The following FBXL18 variants were observed in gnomAD, a reference collection of about 807,000 sequenced individuals.
FBXL18 encodes F-box/LRR-repeat protein 18.
Under a neutral mutation model 46.0 loss-of-function variants are expected in FBXL18, and 36 were observed. That is an observed-to-expected ratio of 0.78 (90% CI 0.60 to 1.03). The LOEUF (loss-of-function observed/expected upper bound fraction) is 1.03, where lower values mean the gene tolerates loss of function less well. FBXL18 is among the 50% of genes least tolerant of loss of function. FBXL18 has a pLI of 0.00. For missense variants in FBXL18, 977 were observed against 1,004.1 expected, an observed-to-expected ratio of 0.97 and a Z score of 0.36; for synonymous variants, 557 against 465.3, an observed-to-expected ratio of 1.20 and a Z score of -2.54.
intron 4 of FBXL18, among the ~76,000 whole-genome samples, chr7:5,466,830 C>T (rs747313041): frequency 6.6e-6 from 1 of 152,202 alleles, no homozygotes; most frequent in Admixed American, 6.5e-5. Context: ...CCCTGATCCT[C>T]AATCCCGGAG....
At chr7:5,485,237 T>C (rs1462707896) in intron 4 of FBXL18, among the ~76,000 whole-genome samples, 1 of 151,904 alleles carries the variant, frequency 6.6e-6, no homozygotes, top group Non-Finnish European at 1.5e-5. Flanking sequence ...CACTCTAGAG[T>C]AGTGTGTGGA....
Position 5,500,693 on chromosome 7 carries a change from C to T in FBXL18, c.1576G>A (p.Ala526Thr), listed in dbSNP as rs1216038572. 3 of 1,610,140 alleles carry T rather than the reference C, an allele frequency of 1.9e-6. No homozygotes were observed. Among genetic ancestry groups the T allele is most frequent in the Admixed American group, 1.7e-5 (1 of 59,602 alleles). The part of the protein sequence containing the change: ...AQSVGDSEVA[A>T]IGQLAFLRHL... ...CGCAGGAAGGCCAGCTGGCCGATGG[C>T]GGCCACCTCCGAGTCCCCGACACTC... The change falls in exon 3 of 5, where the codon GCC becomes ACC. Residue 526 changes from alanine (A) to threonine (T), a missense_variant. Transcript: ENST00000382368.
At chr7:5,462,409 C>T (rs1783260430) in intron 4 of FBXL18, among the ~76,000 whole-genome samples, 1 of 152,202 alleles carries the variant, frequency 6.6e-6, no homozygotes, top group South Asian at 2.1e-4. Context: ...ATGAATTCAT[C>T]TCCTGTTGGC....
intron 4 of FBXL18, among the ~76,000 whole-genome samples, chr7:5,463,889 C>CCA: frequency 6.6e-6 from 1 of 150,598 alleles, no homozygotes; most frequent in South Asian, 2.1e-4. Context: ...TACAGGCGTG[C>CCA]GCCACCACAC....
intron 3 of FBXL18, among the ~76,000 whole-genome samples, chr7:5,498,216 C>A (rs1030005978): frequency 6.6e-6 from 1 of 151,510 alleles, no homozygotes; most frequent in Non-Finnish European, 1.5e-5. Flanking sequence ...GCCTCCTAAG[C>A]AGCTGGGACT....
At position 5,513,787 on chromosome 7, in the gene FBXL18, A is replaced by G; in HGVS notation, c.-113T>C. The G allele has an allele frequency of 2.8e-6, 4 of 1,438,682 alleles. No individual in the cohort carries two copies. Among genetic ancestry groups the G allele is most frequent in the Non-Finnish European group, 3.8e-6 (4 of 1,066,398 alleles). 89.1% of individuals were successfully genotyped at this position (1,438,682 alleles called of 1,614,324 possible). The stretch of plus-strand genomic sequence containing the variant: ...CCACCGCTCAACCGAGACCCCGGCA[A>G]GGAGCGGGCTCTCGTCACTTCCGGC... On this transcript the variant is annotated 5_prime_UTR_variant, in exon 1 of 5. Transcript: ENST00000382368.
chr7:5,502,833 GAA>G lies in FBXL18; in HGVS notation c.238-804_238-803del, dbSNP rs55824263. ...CAGAGCAAGACTCCATCTCAAAAAA[GAA>G]AAAAAAAAAAAAACGGTTTGGTGGT... is the stretch of plus-strand genomic sequence containing the variant. On this transcript the variant is annotated intron_variant, in intron 2 of 4. Transcript: ENST00000382368. Among the ~76,000 whole-genome samples the G allele has an allele frequency of 9.9e-3, 1,330 of 134,836 alleles. 10 individuals carry two copies. Among genetic ancestry groups the G allele is most frequent in the Middle Eastern group, 0.018 (5 of 276 alleles). The allele number at this position is 134,836 out of a possible 152,430, so 88.5% of individuals were successfully genotyped here.
intron 4 of FBXL18, among the ~76,000 whole-genome samples, chr7:5,466,782 C>T (rs1354214305): frequency 6.6e-6 from 1 of 152,130 alleles, no homozygotes. Flanking sequence ...GAGGCAGGAG[C>T]CCGGGACTCC....
At position 5,498,855 on chromosome 7, in the gene FBXL18, G is replaced by A. The variant is rs1784155334; in HGVS notation, c.1781+1633C>T. On this transcript the variant is annotated intron_variant, in intron 3 of 4. Transcript: ENST00000382368. Reference sequence around the variant, plus strand: ...CCCAAACTGCTGGGATTACAGGAGTGAGCCACCATGCCCAAACCCATTTTG... The same window carrying A: ...CCCAAACTGCTGGGATTACAGGAGTAAGCCACCATGCCCAAACCCATTTTG... Among the ~76,000 whole-genome samples, 3 of 152,214 alleles carry A rather than the reference G, an allele frequency of 2.0e-5. No individual in the cohort carries two copies. In the South Asian group the frequency reaches 6.2e-4, roughly 32 times the overall value.
rs746819211 is a variant in FBXL18 at position 5,491,422 on chromosome 7, G to A, written c.1809C>T (p.Asn603=). 21 of 1,597,834 alleles carry A rather than the reference G, an allele frequency of 1.3e-5. No homozygotes were observed. Among genetic ancestry groups the A allele is most frequent in the African/African-American group, 9.4e-5 (7 of 74,806 alleles). Residue 603 remains asparagine, a synonymous_variant, in exon 4 of 5, where the codon AAC becomes AAT. Coordinates refer to ENST00000382368, the MANE Select transcript of FBXL18 (RefSeq NM_024963.6). ...GGCTCAGCGCCTGGAAGAACTGGGC[G>A]TTGGCGCTGAAGTAGGGCTGCTCCA... ...LRLEQPYFSA[N]AQFFQALSQC...
At chr7:5,484,643 T>TC (rs896424636) in intron 4 of FBXL18, among the ~76,000 whole-genome samples, 1 of 150,364 alleles carries the variant, frequency 6.7e-6, no homozygotes, top group Admixed American at 6.6e-5. Flanking sequence ...CAGCTAATTT[T>TC]TTTTTTTTTT....
At chr7:5,506,274 G>A (rs901512935) in intron 1 of FBXL18, among the ~76,000 whole-genome samples, 1 of 141,108 alleles carries the variant, frequency 7.1e-6, no homozygotes, top group Non-Finnish European at 1.5e-5. Context: ...TTTTAGACAA[G>A]GTCTTGCTTT....
Position 5,481,634 on chromosome 7 carries a change from C to T in FBXL18, c.*141G>A, listed in dbSNP as rs947857845. 13 of 844,482 alleles carry T rather than the reference C, an allele frequency of 1.5e-5. No homozygotes were observed. Among genetic ancestry groups the T allele is most frequent in the South Asian group, 3.2e-5 (2 of 63,246 alleles). 52.3% of individuals were successfully genotyped at this position (844,482 alleles called of 1,614,324 possible). ...CCCCATGAGAGAGCCGTGGAGACGC[C>T]GGGAGCCCCAGGAGCCAGGTGGGGC... On this transcript the variant is annotated 3_prime_UTR_variant, in exon 5 of 5. Transcript: ENST00000382368.
At chr7:5,456,372 G>A (rs909883729) in intron 4 of FBXL18, among the ~76,000 whole-genome samples, 1 of 152,200 alleles carries the variant, frequency 6.6e-6, no homozygotes, top group African/African-American at 2.4e-5. Flanking sequence ...TCAGTGGGAG[G>A]ACAAACCAAG....
At chr7:5,465,250 C>G (rs1457905851) in intron 4 of FBXL18, among the ~76,000 whole-genome samples, 1 of 151,704 alleles carries the variant, frequency 6.6e-6, no homozygotes, top group Non-Finnish European at 1.5e-5. Context: ...GCCCAGGCTG[C>G]AGTGCAGTGG....
rs1032345748 is a variant in FBXL18, at chr7:5,455,539, T to C, written c.2001-7696A>G. Among the ~76,000 whole-genome samples, 7 of 152,072 alleles carry C rather than the reference T, an allele frequency of 4.6e-5. No homozygotes were observed. Among genetic ancestry groups the C allele is most frequent in the Admixed American group, 3.3e-4 (5 of 15,272 alleles). ...GCCCAGCCCCTCCTGTCCTCCCTGA[T>C]TCCCCACAGGACAGTGCCATCCCCT... On this transcript the variant is annotated intron_variant and NMD_transcript_variant, in intron 4 of 6. Coordinates refer to the FBXL18 transcript ENST00000415009. The surrounding 1 kb of genome is among the most constrained non-coding windows in gnomAD (Gnocchi z 4.6).
At position 5,500,959 on chromosome 7, in the gene FBXL18, GCGGGCGCGCGGT is replaced by G; in HGVS notation, c.1298_1309del (p.Asp433_Pro436del). The G allele has an allele frequency of 6.5e-7, 1 of 1,534,112 alleles. No individual in the cohort carries two copies. Among genetic ancestry groups the G allele is most frequent in the African/African-American group, 1.4e-5 (1 of 72,562 alleles). On this transcript the variant is annotated inframe_deletion, in exon 3 of 5. Transcript: ENST00000382368. ...CGGCACTGCGTGCATGGCCGGCTGGGCGGGCGCGCGGTCGGCGCGCGGCGCGGAGTCAGCGAC... is the reference window on the plus strand; with the variant it reads ...CGGCACTGCGTGCATGGCCGGCTGGGCGGCGCGCGGCGCGGAGTCAGCGAC...
intron 3 of FBXL18, among the ~76,000 whole-genome samples, chr7:5,499,893 T>C (rs1784186033): frequency 6.6e-6 from 1 of 151,664 alleles, no homozygotes. Flanking sequence ...ACCTTGTCTG[T>C]ACACAATTTT....
downstream of FBXL18, among the ~76,000 whole-genome samples, chr7:5,471,766 T>C (rs1783431475): frequency 6.6e-6 from 1 of 152,156 alleles, no homozygotes; most frequent in Non-Finnish European, 1.5e-5. Context: ...CCCCTGACCT[T>C]TTCAGGGCTC....
Sources: gnomAD v4.1 joint callset for allele counts (sites outside exome capture counted in the v4.1 genomes callset) on GRCh38, gnomAD v4.1.1 for gene constraint, Gnocchi (gnomAD v3.1) non-coding constraint, MANE v1.5 for transcripts, NCBI Gene and HGNC (gene_info 2026-07-23, HGNC 2026-07-21) for gene names.